CUX1: variants seen among roughly 807,000 people sequenced by gnomAD.
CUX1 encodes cut like homeobox 1.
Under a neutral mutation model 158.8 loss-of-function variants are expected in CUX1, and 31 were observed. The observed-to-expected ratio is 0.20, with a 90% CI of 0.15 to 0.26. CUX1 has a LOEUF of 0.26. Ranked by LOEUF, CUX1 falls within the 10% of genes least tolerant of loss-of-function variation. CUX1 has a pLI of 1.00. For synonymous variants in CUX1, 879 were observed against 862.1 expected, an observed-to-expected ratio of 1.02 and a Z score of -0.34; for missense variants, 1,589 against 2,014.6, an observed-to-expected ratio of 0.79 and a Z score of 4.04.
intron 1 of CUX1, among the ~76,000 whole-genome samples, chr7:101,826,530 C>T (rs1306006820): frequency 6.6e-6 from 1 of 152,150 alleles, no homozygotes; most frequent in Non-Finnish European, 1.5e-5. Context: ...ATTCCTTTTT[C>T]TTTTGCCCCT....
intron 1 of CUX1, among the ~76,000 whole-genome samples, chr7:101,863,992 CTG>C (rs1797714209): frequency 6.6e-6 from 1 of 152,280 alleles, no homozygotes; most frequent in East Asian, 1.9e-4. Flanking sequence ...TGTGGTGACA[CTG>C]TGTGAACTCT....
Position 102,252,612 on chromosome 7 carries a change from C to T in CUX1, c.*3570C>T, listed in dbSNP as rs930812020. 13 of 985,312 alleles carry T rather than the reference C, an allele frequency of 1.3e-5. No individual in the cohort carries two copies. The highest frequency in any genetic ancestry group is 4.7e-5 in the South Asian group (1 of 21,294). 61.0% of individuals were successfully genotyped at this position (985,312 alleles called of 1,614,324 possible). On this transcript the variant is annotated 3_prime_UTR_variant, in exon 24 of 24. Transcript: ENST00000292535. ...GGTAAAATCAGTGTTTGCATTTAGCCTCTTGACCCGGAGTTCCGGCCCAAG... is the reference window on the plus strand; with the variant it reads ...GGTAAAATCAGTGTTTGCATTTAGCTTCTTGACCCGGAGTTCCGGCCCAAG...
exon 23 of CUX1, chr7:102,283,231 G>T: frequency 1.5e-6 from 1 of 687,124 alleles, no homozygotes; most frequent in Non-Finnish European, 2.6e-6. Flanking sequence ...GAGGCCCCAG[G>T]TCACCTCGGG....
At chr7:102,233,421 G>A (rs1178722538) in intron 21 of CUX1, among the ~76,000 whole-genome samples, 1 of 152,034 alleles carries the variant, frequency 6.6e-6, no homozygotes, top group African/African-American at 2.4e-5. Flanking sequence ...CAAACCCCTG[G>A]GCTCAAATGA....
intron 20 of CUX1, among the ~76,000 whole-genome samples, chr7:102,207,749 G>C (rs1275865419): frequency 1.3e-5 from 2 of 152,146 alleles, no homozygotes; most frequent in Non-Finnish European, 2.9e-5. Context: ...ACTGCACCTG[G>C]CCAGGAAAAT....
chr7:102,251,335 G>A lies in CUX1; in HGVS notation c.*2293G>A, dbSNP rs1554540050. 3.0e-6 allele frequency: 3 copies of A among 985,214 alleles called. No homozygotes were observed. Among genetic ancestry groups the A allele is most frequent in the Non-Finnish European group, 3.6e-6 (3 of 829,934 alleles). 61.0% of individuals were successfully genotyped at this position (985,214 alleles called of 1,614,324 possible). On this transcript the variant is annotated 3_prime_UTR_variant, in exon 24 of 24. Coordinates refer to ENST00000292535, the MANE Select transcript of CUX1 (RefSeq NM_181552.4). ...TTAATTAACTTGTAGGACTTTGACT[G>A]TAAGATGTGAAACCACGTTTCTTGC...
intron 1 of CUX1, among the ~76,000 whole-genome samples, chr7:101,851,367 C>T (rs1008895670): frequency 6.6e-6 from 1 of 152,006 alleles, no homozygotes; most frequent in Non-Finnish European, 1.5e-5. Context: ...AGCTGGGTCT[C>T]CCATTCCTCA....
At chr7:102,022,214 T>C (rs1819461093) in intron 2 of CUX1, among the ~76,000 whole-genome samples, 1 of 152,210 alleles carries the variant, frequency 6.6e-6, no homozygotes, top group African/African-American at 2.4e-5. Context: ...TGCTTTTACA[T>C]CAGAATGGTT....
intron 8 of CUX1, among the ~76,000 whole-genome samples, chr7:102,152,689 G>T (rs1369998385): frequency 2.6e-5 from 4 of 152,208 alleles, no homozygotes; most frequent in African/African-American, 9.6e-5. Flanking sequence ...ACTGCATCTG[G>T]CCGACTTTTA....
chr7:102,105,719 G>C (rs1830277146), intron 6 of CUX1, among the ~76,000 whole-genome samples: 1 of 151,834 alleles, frequency 6.6e-6, no homozygotes, highest in Non-Finnish European at 1.5e-5. Context: ...CACCATGTTG[G>C]CCAGGCTGGT....
intron 8 of CUX1, among the ~76,000 whole-genome samples, chr7:102,128,676 T>A (rs2131280924): frequency 6.6e-6 from 1 of 151,920 alleles, no homozygotes; most frequent in East Asian, 1.9e-4. Context: ...TACTCAGACC[T>A]TAGTATTTTC....
intron 3 of CUX1, among the ~76,000 whole-genome samples, chr7:102,039,020 A>G (rs867331614): frequency 6.6e-5 from 10 of 152,220 alleles, no homozygotes; most frequent in African/African-American, 2.4e-4. Flanking sequence ...TAGTTAACAT[A>G]TGAAAACAAC....
chr7:101,993,255 G>A (rs897969779), intron 2 of CUX1, among the ~76,000 whole-genome samples: 4 of 152,218 alleles, frequency 2.6e-5, no homozygotes, highest in Non-Finnish European at 4.4e-5. Flanking sequence ...GCTTGAACCC[G>A]GGAGGTAGAG....
intron 1 of CUX1, among the ~76,000 whole-genome samples, chr7:101,859,600 C>A (rs914269839): frequency 1.3e-5 from 2 of 152,146 alleles, no homozygotes; most frequent in African/African-American, 4.8e-5. Context: ...CAGCTGTCAT[C>A]AGAACGTTTG....
intron 2 of CUX1, among the ~76,000 whole-genome samples, chr7:101,923,458 G>T (rs957529136): frequency 6.6e-6 from 1 of 152,162 alleles, no homozygotes; most frequent in African/African-American, 2.4e-5. Context: ...TCCTGGTGAC[G>T]TCAGTCGGCC....
At chr7:101,997,924 TC>T (rs1383398350) in intron 2 of CUX1, among the ~76,000 whole-genome samples, 1 of 151,088 alleles carries the variant, frequency 6.6e-6, no homozygotes, top group Non-Finnish European at 1.5e-5. Flanking sequence ...CACAGAGCAG[TC>T]CTTGCTGGCC....
At chr7:102,050,541 ACCTCGCTAACT>A (rs1182863983) in intron 3 of CUX1, among the ~76,000 whole-genome samples, 2 of 152,048 alleles carry the variant, frequency 1.3e-5, no homozygotes, top group Non-Finnish European at 2.9e-5. Flanking sequence ...CACTGTGGGT[ACCTCGCTAACT>A]AATAATCTTC....
chr7:102,088,914 G>A (rs1828241429), intron 4 of CUX1, among the ~76,000 whole-genome samples: 1 of 152,094 alleles, frequency 6.6e-6, no homozygotes, highest in South Asian at 2.1e-4. Flanking sequence ...CTTTTATGAA[G>A]TTTGGAACAT....
intron 20 of CUX1, among the ~76,000 whole-genome samples, chr7:102,222,234 C>T (rs560022747): frequency 6.6e-6 from 1 of 152,262 alleles, no homozygotes; most frequent in South Asian, 2.1e-4. Flanking sequence ...ACCATGATCA[C>T]ACCACTGCAT....
Sources: gnomAD v4.1 joint callset for allele counts (sites outside exome capture counted in the v4.1 genomes callset) on GRCh38, gnomAD v4.1.1 for gene constraint, MANE v1.5 for transcripts, NCBI Gene and HGNC (gene_info 2026-07-23, HGNC 2026-07-21) for gene names.